The following RCOR2 variants were observed in gnomAD, a reference collection of about 807,000 sequenced individuals.
The protein encoded by RCOR2 is REST corepressor 2.
RCOR2 carries 19 observed loss-of-function variants against 58.9 expected under a neutral mutation model. The ratio of observed to expected loss-of-function variants is 0.32; its 90% CI spans 0.23 to 0.47. The LOEUF (loss-of-function observed/expected upper bound fraction) is 0.47, where lower values mean the gene tolerates loss of function less well. RCOR2 is among the 20% of genes least tolerant of loss of function. The pLI is 1.00. For synonymous variants in RCOR2, 286 were observed against 278.7 expected, an observed-to-expected ratio of 1.03 and a Z score of -0.26; for missense variants, 590 against 707.9, an observed-to-expected ratio of 0.83 and a Z score of 1.89.
Position 63,912,045 on chromosome 11 carries a change from G to T in RCOR2, c.1392C>A (p.Leu464=). The change falls in exon 12 of 12, where the codon CTC becomes CTA. Residue 464 remains leucine, a synonymous_variant. Transcript: ENST00000301459. Reference sequence around the variant, plus strand: ...CCTGCTGCAGTGGGGGTGGCTGTCGGAGCAGAGTGGGAGCCGTGGGCAAAG... The same window carrying T: ...CCTGCTGCAGTGGGGGTGGCTGTCGTAGCAGAGTGGGAGCCGTGGGCAAAG... ...RPPLPTAPTL[L]RQPPPLQQGR... The T allele has an allele frequency of 6.7e-7, 1 of 1,487,328 alleles. No homozygotes were observed. The highest frequency in any genetic ancestry group is 8.9e-7 in the Non-Finnish European group (1 of 1,126,030). The allele number at this position is 1,487,328 out of a possible 1,614,324, so 92.1% of individuals were successfully genotyped here.
At chr11:63,920,419 G>T (rs953481560), upstream of RCOR2, among the ~76,000 whole-genome samples, 2 of 152,154 alleles carry the variant, frequency 1.3e-5, no homozygotes, top group Admixed American at 6.5e-5. Flanking sequence ...TCCCAAGCCC[G>T]CCAGCCCTGC....
At chr11:63,922,177 G>A in the RCOR2 span, among the ~76,000 whole-genome samples, 3 of 152,142 alleles carry the variant, frequency 2.0e-5, no homozygotes, top group Non-Finnish European at 2.9e-5. Flanking sequence ...CCCAAACTGT[G>A]AGCCAAATAA....
intron 11 of RCOR2, 40 bp downstream of exon 11, chr11:63,912,265 G>A (rs752971543): frequency 1.1e-5 from 17 of 1,596,934 alleles, no homozygotes; most frequent in African/African-American, 5.4e-5. Flanking sequence ...ACCTCGCCTC[G>A]CCTCTCCTCT....
rs1941759155 is a variant in RCOR2 at position 63,911,691 on chromosome 11, A to C, written c.*174T>G. On this transcript the variant is annotated 3_prime_UTR_variant, in exon 12 of 12. Transcript: ENST00000301459. ...GGCCATGGCCCCAGGAGACAGGCCC[A>C]GCTGCCAGGAACACATGCAGAACCC... The C allele has an allele frequency of 1.8e-6, 2 of 1,090,962 alleles. No individual in the cohort carries two copies. Among genetic ancestry groups the C allele is most frequent in the Non-Finnish European group, 2.4e-6 (2 of 827,206 alleles). 67.6% of individuals were successfully genotyped at this position (1,090,962 alleles called of 1,614,324 possible). A position where few individuals can be genotyped will look rare whatever the true frequency, so the allele number is the denominator to read the frequency against.
Position 63,914,104 on chromosome 11 carries a change from C to G in RCOR2, c.741G>C (p.Gln247His), listed in dbSNP as rs1941820038. 2 of 1,613,948 alleles carry G rather than the reference C, an allele frequency of 1.2e-6. No homozygotes were observed. Among genetic ancestry groups the G allele is most frequent in the Non-Finnish European group, 1.7e-6 (2 of 1,180,032 alleles). The change falls in exon 8 of 12, where the codon CAG becomes CAC. Residue 247 changes from glutamine to histidine, a missense_variant. By Grantham distance (24) the Gln-to-His change is conservative. Transcript: ENST00000301459. Reference protein sequence around the residue: ...GPGKKEVQVSQYRHHPLRTRR... With the variant: ...GPGKKEVQVSHYRHHPLRTRR... ...GGGTTCGCAAGGGATGGTGGCGGTA[C>G]TGAGACACCTGGACCTCCTTTTTCC...
the RCOR2 span, among the ~76,000 whole-genome samples, chr11:63,925,909 C>A: frequency 6.6e-6 from 1 of 151,920 alleles, no homozygotes; most frequent in Admixed American, 6.6e-5. Flanking sequence ...AACCTCTGGA[C>A]CTTTTATTTT....
chr11:63,918,086 T>C (rs1941886250), upstream of RCOR2, among the ~76,000 whole-genome samples: 1 of 151,860 alleles, frequency 6.6e-6, no homozygotes, highest in South Asian at 2.1e-4. Flanking sequence ...CCGGGGCACG[T>C]GCTGCAGCGC....
upstream of RCOR2, among the ~76,000 whole-genome samples, chr11:63,919,065 G>C (rs1941898676): frequency 6.6e-6 from 1 of 152,204 alleles, no homozygotes; most frequent in South Asian, 2.1e-4. Flanking sequence ...GGGACAGGGA[G>C]GGGAGGTTTA....
At chr11:63,914,612 A>C (rs1941830192) in intron 5 of RCOR2, 43 bp downstream of exon 5, 2 of 1,607,110 alleles carry the variant, frequency 1.2e-6, no homozygotes, top group African/African-American at 1.3e-5. Flanking sequence ...TTCAGAAAGG[A>C]GGGGCAGAGG....
Position 63,915,615 on chromosome 11 carries a change from T to C in RCOR2, c.128-4A>G. The C allele has an allele frequency of 2.6e-6, 3 of 1,176,468 alleles. No individual in the cohort carries two copies. The South Asian group carries it at 4.0e-5, about 16-fold the overall frequency. 72.9% of individuals were successfully genotyped at this position (1,176,468 alleles called of 1,614,324 possible). On this transcript the variant is annotated splice_region_variant and splice_polypyrimidine_tract_variant and intron_variant, in intron 1 of 11. Transcript: ENST00000301459. The stretch of plus-strand genomic sequence containing the variant: ...GTTCCAACGCGGATCATGCTGTCTG[T>C]GGAGCCAGGGGGAGGCAGTCAGGAC...
At chr11:63,923,577 C>T in the RCOR2 span, among the ~76,000 whole-genome samples, 74,039 of 152,006 alleles carry the variant, frequency 0.49, 20,345 homozygotes, top group East Asian at 0.88. Context: ...CTGGGCAGGA[C>T]TGGACAGACA....
chr11:63,924,086 T>C, the RCOR2 span, among the ~76,000 whole-genome samples: 54 of 152,184 alleles, frequency 3.5e-4, 1 homozygote, highest in Admixed American at 1.2e-3. Flanking sequence ...TTTTGTATTT[T>C]TAGTAGAGAC....
chr11:63,921,810 C>A (rs1360846009), upstream of RCOR2, among the ~76,000 whole-genome samples: 1 of 152,216 alleles, frequency 6.6e-6, no homozygotes. Flanking sequence ...TTCGGGCCAG[C>A]CCCACCTTGA....
upstream of RCOR2, among the ~76,000 whole-genome samples, chr11:63,917,429 G>T (rs1021676744): frequency 6.6e-6 from 1 of 152,070 alleles, no homozygotes; most frequent in African/African-American, 2.4e-5. Context: ...CCAGGGGTCA[G>T]CCCCACCCAC....
In RCOR2 at chr11:63,911,654, G is replaced by GC. The variant is rs761404145; in HGVS notation, c.*210dup. 2.9e-6 allele frequency: 2 copies of GC among 700,196 alleles called. No individual in the cohort carries two copies. The highest frequency in any genetic ancestry group is 2.1e-6 in the Non-Finnish European group (1 of 476,700). The allele number at this position is 700,196 out of a possible 1,614,324, so 43.4% of individuals were successfully genotyped here. On this transcript the variant is annotated 3_prime_UTR_variant, in exon 12 of 12. Coordinates refer to ENST00000301459, the MANE Select transcript of RCOR2 (RefSeq NM_173587.4). ...AAAGTGCCCTCAGGCCAGCTCAAAG[G>GC]CCCCTGAGCCCGGCCATGGCCCCAG...
rs916496594 is a variant in RCOR2 at position 63,914,821 on chromosome 11, C to T, written c.319-5G>A. On this transcript the variant is annotated splice_polypyrimidine_tract_variant and splice_region_variant and intron_variant, in intron 4 of 11. Coordinates refer to ENST00000301459, the MANE Select transcript of RCOR2 (RefSeq NM_173587.4). ...CCACAGAAGCATGCCCAGCGCCTGG[C>T]CCGGGGCAAGGGGCAGCTGAGCCTG... The T allele has an allele frequency of 1.2e-6, 2 of 1,601,810 alleles. No individual in the cohort carries two copies. Among genetic ancestry groups the T allele is most frequent in the Non-Finnish European group, 1.7e-6 (2 of 1,173,800 alleles).
upstream of RCOR2, among the ~76,000 whole-genome samples, chr11:63,919,788 G>C (rs966567715): frequency 6.6e-6 from 1 of 152,254 alleles, no homozygotes; most frequent in African/African-American, 2.4e-5. Flanking sequence ...CGATGAGCTC[G>C]GGCTCACCCT....
At chr11:63,912,245 G>GCGGCGCCTCA in intron 11 of RCOR2, 60 bp downstream of exon 11, 8 of 1,599,608 alleles carry the variant, frequency 5.0e-6, no homozygotes, top group Non-Finnish European at 6.8e-6. Flanking sequence ...AAGGACCAAG[G>GCGGCGCCTCA]CGGCGCCTCA....
At position 63,912,173 on chromosome 11, in the gene RCOR2, T is replaced by C. The variant is rs1463480588; in HGVS notation, c.1264A>G (p.Ile422Val). 1 of 1,559,622 alleles carries C rather than the reference T, an allele frequency of 6.4e-7. No individual in the cohort carries two copies. The change falls in exon 12 of 12, where the codon ATT becomes GTT. Residue 422 changes from isoleucine (I) to valine (V), a missense_variant. By Grantham distance (29) the Ile-to-Val change is conservative. Transcript: ENST00000301459. ...GGCACGGACGTGGAGACCGATGTAA[T>C]CTGGACCTGAGGGGAGAGGAAAGAG... ...PALEEDDEVQ[I>V]TSVSTSVPRS...
Sources: allele counts gnomAD v4.1 joint callset (sites outside exome capture counted in the v4.1 genomes callset), GRCh38; gene constraint gnomAD v4.1.1; transcripts MANE v1.5; gene names NCBI Gene and HGNC (gene_info 2026-07-23, HGNC 2026-07-21).